The following KIDINS220 variants were observed in gnomAD, a reference collection of about 807,000 sequenced individuals.
KIDINS220 encodes kinase D interacting substrate 220.
A neutral mutation model predicts 157.6 loss-of-function variants in KIDINS220; 63 were observed. That is an observed-to-expected ratio of 0.40 (90% CI 0.33 to 0.49). The LOEUF (loss-of-function observed/expected upper bound fraction) is 0.49, where lower values mean the gene tolerates loss of function less well. Among genes scored for constraint, KIDINS220 ranks in the 20% least tolerant of loss-of-function variants. KIDINS220 has a pLI of 0.66. For synonymous variants in KIDINS220, 732 were observed against 783.6 expected (o/e 0.93, Z 1.10); for missense variants, 1,772 against 2,171.2 (o/e 0.82, Z 3.65).
At chr2:8,806,842 A>C (rs1294762961) in intron 6 of KIDINS220, among the ~76,000 whole-genome samples, 1 of 152,142 alleles carries the variant, frequency 6.6e-6, no homozygotes. Flanking sequence ...CAGCCTCCCC[A>C]AGTGCTGGGA....
intron 9 of KIDINS220, among the ~76,000 whole-genome samples, 191 bp from the exon 10 acceptor site, chr2:8,798,491 ATTAC>A (rs1281049834): frequency 6.6e-6 from 1 of 152,222 alleles, no homozygotes; most frequent in Non-Finnish European, 1.5e-5. Context: ...AAAACTTCGT[ATTAC>A]TTAACCTAAA....
downstream of KIDINS220, chr2:8,721,221 T>C (rs1181170875): frequency 2.6e-5 from 4 of 152,106 alleles, no homozygotes; most frequent in African/African-American, 9.7e-5. Context: ...ATACATATAG[T>C]GGTATTTGGG....
intron 1 of KIDINS220, among the ~76,000 whole-genome samples, chr2:8,829,399 T>C (rs1679291033): frequency 6.6e-6 from 1 of 152,182 alleles, no homozygotes; most frequent in Non-Finnish European, 1.5e-5. Flanking sequence ...ACTATTATTT[T>C]AAAAAATGAT....
chr2:8,811,678 G>A (rs773609873), intron 6 of KIDINS220, among the ~76,000 whole-genome samples: 12 of 151,994 alleles, frequency 7.9e-5, no homozygotes, highest in East Asian at 3.9e-4. Context: ...GTTTTATCCC[G>A]AAACAGTGAA....
At chr2:8,784,832 C>T (rs1672175236) in intron 17 of KIDINS220, among the ~76,000 whole-genome samples, 1 of 152,176 alleles carries the variant, frequency 6.6e-6, no homozygotes, top group African/African-American at 2.4e-5. Context: ...AAAATAGCCA[C>T]CTCAGAACAG....
chr2:8,754,607 A>T (rs1410472952), intron 22 of KIDINS220, among the ~76,000 whole-genome samples: 1 of 152,246 alleles, frequency 6.6e-6, no homozygotes, highest in Non-Finnish European at 1.5e-5. Context: ...CCAATCTAGC[A>T]ATACTTGTTA....
At chr2:8,743,740 C>T (rs769697693) in intron 26 of KIDINS220, among the ~76,000 whole-genome samples, 17 of 152,186 alleles carry the variant, frequency 1.1e-4, no homozygotes, top group Admixed American at 2.0e-4. Context: ...GAGACTAGCA[C>T]TCCTGGGGGA....
intron 1 of KIDINS220, among the ~76,000 whole-genome samples, chr2:8,834,396 G>A (rs552500205): frequency 2.6e-5 from 4 of 151,540 alleles, no homozygotes; most frequent in South Asian, 2.1e-4. Flanking sequence ...CTGTACATAC[G>A]TCACCTGATC....
At chr2:8,752,363 G>T (rs1232717968) in intron 22 of KIDINS220, among the ~76,000 whole-genome samples, 1 of 151,834 alleles carries the variant, frequency 6.6e-6, no homozygotes, top group South Asian at 2.1e-4. Flanking sequence ...CAAAAAAGTA[G>T]TATGGTTACA....
chr2:8,823,130 T>C (rs753521786), intron 2 of KIDINS220, among the ~76,000 whole-genome samples: 2 of 152,050 alleles, frequency 1.3e-5, no homozygotes, highest in African/African-American at 4.8e-5. Context: ...GTGCCACACC[T>C]GGCTAATATT....
chr2:8,796,702 T>A, intron 11 of KIDINS220, 69 bp downstream of exon 11: 1 of 1,161,034 alleles, frequency 8.6e-7, no homozygotes, highest in South Asian at 1.2e-5. Context: ...CCCCATTAAA[T>A]CCACTCCATA....
In KIDINS220 at chr2:8,730,004, C is replaced by T; in HGVS notation, c.*716G>A. On this transcript the variant is annotated 3_prime_UTR_variant, in exon 30 of 30. Transcript: ENST00000256707. The stretch of plus-strand genomic sequence containing the variant: ...CAGCTGGATGGTGCTGGAAGCCAGG[C>T]CTGGGATTTGGAGAGAAGAGTTTCC... 2 of 985,346 alleles carry T rather than the reference C, an allele frequency of 2.0e-6. No homozygotes were observed. The highest frequency in any genetic ancestry group is 2.4e-6 in the Non-Finnish European group (2 of 829,926). The allele number at this position is 985,346 out of a possible 1,614,324, so 61.0% of individuals were successfully genotyped here.
At chr2:8,770,920 A>T (rs1477752408) in intron 21 of KIDINS220, 88 bp from the exon 22 acceptor site, 2 of 717,692 alleles carry the variant, frequency 2.8e-6, no homozygotes, top group East Asian at 6.5e-5. Context: ...AAATATTTTA[A>T]ATTTCTAAAA....
At chr2:8,778,793 ATG>A in intron 19 of KIDINS220, 66 bp from the exon 20 acceptor site, 1 of 1,590,490 alleles carries the variant, frequency 6.3e-7, no homozygotes, top group Non-Finnish European at 8.6e-7. Context: ...ATTTAAAGAA[ATG>A]TGAAACAACA....
chr2:8,805,033 G>A (rs1675245437), intron 7 of KIDINS220, among the ~76,000 whole-genome samples: 1 of 152,188 alleles, frequency 6.6e-6, no homozygotes, highest in South Asian at 2.1e-4. Context: ...TGCTAGAGCA[G>A]TTCACACAGT....
chr2:8,775,190 A>G (rs1250256107), intron 21 of KIDINS220, among the ~76,000 whole-genome samples: 2 of 152,248 alleles, frequency 1.3e-5, no homozygotes, highest in Non-Finnish European at 2.9e-5. Context: ...CAAACATTCA[A>G]TTGTGGACAT....
At chr2:8,723,395 A>C (rs1037352209), downstream of KIDINS220, 5 of 152,244 alleles carry the variant, frequency 3.3e-5, no homozygotes, top group African/African-American at 9.7e-5. Flanking sequence ...TCTTCATGTA[A>C]ATTTAGGTAA....
downstream of KIDINS220, among the ~76,000 whole-genome samples, chr2:8,726,460 CGTTT>C (rs1281356500): frequency 6.6e-6 from 1 of 152,198 alleles, no homozygotes; most frequent in Admixed American, 6.5e-5. Flanking sequence ...TACTTAACTC[CGTTT>C]GTTAAAGTGG....
At chr2:8,776,714 TTAA>T (rs762626608) in intron 21 of KIDINS220, 31 bp downstream of exon 21, 18 of 1,581,316 alleles carry the variant, frequency 1.1e-5, no homozygotes, top group Admixed American at 3.5e-5. Context: ...CTAAAGCTTA[TTAA>T]CTATCATAGA....
Sources: gnomAD v4.1 joint callset for allele counts (sites outside exome capture counted in the v4.1 genomes callset) on GRCh38, gnomAD v4.1.1 for gene constraint, MANE v1.5 for transcripts, NCBI Gene and HGNC (gene_info 2026-07-23, HGNC 2026-07-21) for gene names.